The following PIAS2 variants were observed in gnomAD, a reference collection of about 807,000 sequenced individuals.
PIAS2 encodes protein inhibitor of activated STAT 2, also known as E3 SUMO-protein ligase PIAS2.
In PIAS2, 19 loss-of-function variants were observed where a neutral mutation model predicts 69.7. That is an observed-to-expected ratio of 0.27 (90% confidence interval 0.19 to 0.40). The LOEUF (loss-of-function observed/expected upper bound fraction) is 0.40. PIAS2 is among the 10% of genes least tolerant of loss of function. The pLI is 1.00. For synonymous variants in PIAS2, 261 were observed against 263.2 expected (o/e 0.99, Z 0.08); for missense variants, 624 against 757.0 (o/e 0.82, Z 2.06).
intron 2 of PIAS2, among the ~76,000 whole-genome samples, chr18:46,878,941 C>G (rs1409951157): frequency 6.6e-6 from 1 of 152,178 alleles, no homozygotes; most frequent in Non-Finnish European, 1.5e-5. Context: ...CATACTATGG[C>G]TAACATAGGG....
At position 46,893,387 on chromosome 18, in the gene PIAS2, G is replaced by A. The variant is rs1473925874; in HGVS notation, c.25-2333C>T. The A allele has an allele frequency of 1.0e-5, 7 of 670,446 alleles. No homozygotes were observed. The South Asian group carries it at 4.7e-4, about 45-fold the overall frequency. 41.5% of individuals were successfully genotyped at this position (670,446 alleles called of 1,614,324 possible). A position where few individuals can be genotyped will look rare whatever the true frequency, so the allele number is the denominator to read the frequency against. On this transcript the variant is annotated intron_variant, in intron 1 of 13. Coordinates refer to ENST00000585916, the MANE Select transcript of PIAS2 (RefSeq NM_004671.5). ...TCAGATATTCTTCATTTTAAGGGAA[G>A]CTATTTTACAGAAATGACAAAACAA...
At chr18:46,890,498 A>G in intron 2 of PIAS2, 82 bp downstream of exon 2, 1 of 871,520 alleles carries the variant, frequency 1.1e-6, no homozygotes. Flanking sequence ...CTATATTAAC[A>G]GCACATCATT....
chr18:46,843,276 C>G (rs896081463), intron 8 of PIAS2, among the ~76,000 whole-genome samples: 2 of 152,310 alleles, frequency 1.3e-5, no homozygotes, highest in Admixed American at 1.3e-4. Flanking sequence ...ATTTAAAAAA[C>G]TGCACATTTC....
intron 13 of PIAS2, among the ~76,000 whole-genome samples, chr18:46,812,979 T>C (rs1268197619): frequency 6.6e-6 from 1 of 152,170 alleles, no homozygotes; most frequent in Non-Finnish European, 1.5e-5. Context: ...TTTGAAAGAA[T>C]TGTTGATCTT....
At chr18:46,873,966 G>A (rs1251153439) in intron 2 of PIAS2, among the ~76,000 whole-genome samples, 1 of 152,140 alleles carries the variant, frequency 6.6e-6, no homozygotes, top group Non-Finnish European at 1.5e-5. Context: ...ACTCAGAAGG[G>A]AAATGGGTGT....
intron 1 of PIAS2, among the ~76,000 whole-genome samples, chr18:46,914,515 TCAGGCGACC>T (rs2057593589): frequency 6.6e-6 from 1 of 151,944 alleles, no homozygotes; most frequent in South Asian, 2.1e-4. Context: ...ACTGAAATAG[TCAGGCGACC>T]CCCTTAACAG....
intron 2 of PIAS2, among the ~76,000 whole-genome samples, chr18:46,865,274 TCA>T (rs1304379325): frequency 6.6e-6 from 1 of 152,144 alleles, no homozygotes; most frequent in Non-Finnish European, 1.5e-5. Flanking sequence ...GCACAGTGGC[TCA>T]CACGTGTAAT....
At chr18:46,908,356 C>T (rs921767708) in intron 1 of PIAS2, among the ~76,000 whole-genome samples, 3 of 152,102 alleles carry the variant, frequency 2.0e-5, no homozygotes, top group Non-Finnish European at 4.4e-5. Context: ...AACAGACTAA[C>T]GGCCCAGAGT....
chr18:46,856,610 G>GTGCA (rs1422664623), intron 3 of PIAS2, among the ~76,000 whole-genome samples: 1 of 152,142 alleles, frequency 6.6e-6, no homozygotes, highest in East Asian at 1.9e-4. Flanking sequence ...TTATTCCTTA[G>GTGCA]GAGCTTGTTG....
At chr18:46,813,393 A>T (rs1013153510) in intron 13 of PIAS2, among the ~76,000 whole-genome samples, 6 of 152,136 alleles carry the variant, frequency 3.9e-5, no homozygotes, top group African/African-American at 1.4e-4. Context: ...TGAATGTACT[A>T]CTCTAATATT....
At chr18:46,911,496 G>A (rs1380286371) in intron 1 of PIAS2, among the ~76,000 whole-genome samples, 2 of 152,086 alleles carry the variant, frequency 1.3e-5, no homozygotes, top group African/African-American at 4.8e-5. Flanking sequence ...GCTTACAGAC[G>A]TGAGCCACTG....
upstream of PIAS2, among the ~76,000 whole-genome samples, chr18:46,918,778 ACT>A: frequency 6.6e-6 from 1 of 151,004 alleles, no homozygotes; most frequent in Non-Finnish European, 1.5e-5. Context: ...ATAATTTCCC[ACT>A]CTCTTCTTTG....
intron 3 of PIAS2, among the ~76,000 whole-genome samples, chr18:46,861,891 T>C (rs1009016427): frequency 5.3e-5 from 8 of 152,340 alleles, no homozygotes; most frequent in Admixed American, 5.2e-4. Flanking sequence ...GAATAAAGTC[T>C]GTAGTTAATA....
At chr18:46,867,125 T>C (rs887051451) in intron 2 of PIAS2, among the ~76,000 whole-genome samples, 1 of 152,226 alleles carries the variant, frequency 6.6e-6, no homozygotes, top group African/African-American at 2.4e-5. Flanking sequence ...GGCAGCTTAA[T>C]GTTAGTAGTC....
At chr18:46,828,160 A>C in intron 10 of PIAS2, 30 bp from the exon 11 acceptor site, 3 of 1,570,480 alleles carry the variant, frequency 1.9e-6, no homozygotes, top group Non-Finnish European at 2.6e-6. Context: ...AGGAAAAAAA[A>C]ATTAAAGGTA....
chr18:46,917,401 C>T lies in PIAS2; in HGVS notation c.-56G>A. ...GCCGCCGCACCCACTCCCGCTGCCG[C>T]CAACGACGCTGCCGCCACCACGGCC... On this transcript the variant is annotated 5_prime_UTR_variant, in exon 1 of 14. Coordinates refer to ENST00000585916, the MANE Select transcript of PIAS2 (RefSeq NM_004671.5). 1 of 1,427,600 alleles carries T rather than the reference C, an allele frequency of 7.0e-7. No individual in the cohort carries two copies. Among genetic ancestry groups the T allele is most frequent in the African/African-American group, 1.5e-5 (1 of 66,204 alleles). 88.4% of individuals were successfully genotyped at this position (1,427,600 alleles called of 1,614,324 possible). A position where few individuals can be genotyped will look rare whatever the true frequency, so the allele number is the denominator to read the frequency against.
At chr18:46,859,659 A>G (rs1239125600) in intron 3 of PIAS2, among the ~76,000 whole-genome samples, 1 of 152,176 alleles carries the variant, frequency 6.6e-6, no homozygotes, top group African/African-American at 2.4e-5. Flanking sequence ...CATAGTAGAC[A>G]GTTAATAAAT....
chr18:46,860,524 G>T (rs1451204360), intron 3 of PIAS2, among the ~76,000 whole-genome samples: 1 of 152,166 alleles, frequency 6.6e-6, no homozygotes, highest in Non-Finnish European at 1.5e-5. Context: ...CTCAAAGTGG[G>T]TTTCAGGGAG....
intron 13 of PIAS2, among the ~76,000 whole-genome samples, chr18:46,814,589 G>A (rs1053025295): frequency 5.9e-5 from 9 of 152,166 alleles, no homozygotes; most frequent in African/African-American, 2.4e-5. Flanking sequence ...TACAGGACTT[G>A]TGCTTAGCTG....
Sources: gnomAD v4.1 joint callset for allele counts (sites outside exome capture counted in the v4.1 genomes callset) on GRCh38, gnomAD v4.1.1 for gene constraint, MANE v1.5 for transcripts, NCBI Gene and HGNC (gene_info 2026-07-23, HGNC 2026-07-21) for gene names.